IGSF21: variants seen among roughly 807,000 people sequenced by gnomAD.
IGSF21 encodes the protein immunoglobulin superfamily member 21.
Under a neutral mutation model 46.8 loss-of-function variants are expected in IGSF21, and 28 were observed. The ratio of observed to expected loss-of-function variants is 0.60; its 90% CI spans 0.44 to 0.82. The LOEUF (loss-of-function observed/expected upper bound fraction) is 0.82. IGSF21 is among the 40% of genes least tolerant of loss of function. The pLI is 0.00. For synonymous variants in IGSF21, 284 were observed against 273.6 expected (o/e 1.04, Z -0.38); for missense variants, 624 against 665.5 (o/e 0.94, Z 0.69).
chr1:18,345,143 C>A (rs2085880175), intron 4 of IGSF21, among the ~76,000 whole-genome samples: 1 of 152,206 alleles, frequency 6.6e-6, no homozygotes, highest in Non-Finnish European at 1.5e-5. Context: ...TCTGCCTGCA[C>A]TCCTTCTTAC....
At chr1:18,264,677 C>T (rs1218253278) in intron 2 of IGSF21, among the ~76,000 whole-genome samples, 5 of 152,292 alleles carry the variant, frequency 3.3e-5, no homozygotes, top group Non-Finnish European at 7.4e-5. Flanking sequence ...GCCCCCAGAC[C>T]GGTTGGTGCA....
At chr1:18,271,833 C>A (rs1275480671) in intron 2 of IGSF21, among the ~76,000 whole-genome samples, 1 of 152,138 alleles carries the variant, frequency 6.6e-6, no homozygotes, top group Non-Finnish European at 1.5e-5. Flanking sequence ...GCCCCAAGAC[C>A]ATGGGTGAGT....
intron 1 of IGSF21, among the ~76,000 whole-genome samples, chr1:18,151,552 A>T (rs1222838209): frequency 1.3e-5 from 2 of 152,214 alleles, no homozygotes; most frequent in African/African-American, 4.8e-5. Flanking sequence ...CACATGGCCA[A>T]ATCCAACACT....
At chr1:18,283,944 C>T (rs1429513377) in intron 2 of IGSF21, among the ~76,000 whole-genome samples, 3 of 152,148 alleles carry the variant, frequency 2.0e-5, no homozygotes, top group African/African-American at 7.2e-5. Context: ...TACCAGACTC[C>T]GTTCTATAAT....
chr1:18,109,407 C>T lies in IGSF21; in HGVS notation c.70+1209C>T, dbSNP rs1482036320. 1 of 152,100 alleles carries T rather than the reference C, an allele frequency of 6.6e-6. No homozygotes were observed. Among genetic ancestry groups the T allele is most frequent in the Non-Finnish European group, 1.5e-5 (1 of 68,032 alleles). The allele number at this position is 152,100 out of a possible 1,614,324, so 9.4% of individuals were successfully genotyped here. ...TCTTTATGATCAATAAGGTCTCGAC[C>T]CCGAGCCCCACTGGATGATAGAGGT... On this transcript the variant is annotated intron_variant, in intron 1 of 9. Coordinates refer to ENST00000251296, the MANE Select transcript of IGSF21 (RefSeq NM_032880.5). This position sits in a 1 kb window ranked among gnomAD's most constrained non-coding sequence, Gnocchi z 4.8.
intron 3 of IGSF21, among the ~76,000 whole-genome samples, chr1:18,311,189 C>T (rs2085485090): frequency 6.6e-6 from 1 of 152,184 alleles, no homozygotes; most frequent in Admixed American, 6.5e-5. Context: ...AGGTGCCCCA[C>T]ATCCTGTGTG....
At chr1:18,339,417 G>C (rs944085438) in intron 4 of IGSF21, among the ~76,000 whole-genome samples, 3 of 152,138 alleles carry the variant, frequency 2.0e-5, no homozygotes, top group Non-Finnish European at 4.4e-5. Flanking sequence ...CCTTGAGACC[G>C]AGCCCTAACT....
At chr1:18,308,301 C>T (rs2085448060) in intron 3 of IGSF21, among the ~76,000 whole-genome samples, 1 of 152,190 alleles carries the variant, frequency 6.6e-6, no homozygotes, top group South Asian at 2.1e-4. Flanking sequence ...AAGTGCAGCC[C>T]ATGCCCTATC....
intron 3 of IGSF21, among the ~76,000 whole-genome samples, chr1:18,328,514 G>C (rs1000815875): frequency 6.6e-6 from 1 of 152,170 alleles, no homozygotes; most frequent in African/African-American, 2.4e-5. Context: ...GTATTGTTTT[G>C]TCTGTCTTGT....
intron 1 of IGSF21, among the ~76,000 whole-genome samples, chr1:18,209,603 C>T (rs974845507): frequency 3.3e-5 from 5 of 151,014 alleles, no homozygotes; most frequent in South Asian, 4.2e-4. Flanking sequence ...TACAGGCGCC[C>T]GCCACCACAC....
intron 2 of IGSF21, among the ~76,000 whole-genome samples, chr1:18,286,997 C>A (rs375104622): frequency 1.3e-5 from 2 of 151,502 alleles, no homozygotes; most frequent in East Asian, 3.9e-4. Context: ...CCGGCTAAAA[C>A]GGTGAAACCC....
intron 2 of IGSF21, among the ~76,000 whole-genome samples, chr1:18,248,255 A>T (rs1015018212): frequency 7.9e-5 from 12 of 152,186 alleles, no homozygotes; most frequent in African/African-American, 2.9e-4. Flanking sequence ...AGCCTGGCTG[A>T]TGCTGGCTAA....
chr1:18,167,493 A>T (rs2086690840), intron 1 of IGSF21, among the ~76,000 whole-genome samples: 1 of 152,116 alleles, frequency 6.6e-6, no homozygotes, highest in African/African-American at 2.4e-5. Context: ...TGGTTAGAAA[A>T]GGGTCTTGGG....
intron 1 of IGSF21, among the ~76,000 whole-genome samples, chr1:18,186,641 A>C (rs2086905378): frequency 6.6e-6 from 1 of 152,194 alleles, no homozygotes; most frequent in Non-Finnish European, 1.5e-5. Context: ...AAAAACACTC[A>C]TCTGATCGTC....
intron 1 of IGSF21, 54 bp downstream of exon 1, chr1:18,108,252 G>T: frequency 7.6e-7 from 1 of 1,314,002 alleles, no homozygotes; most frequent in Non-Finnish European, 9.7e-7. Flanking sequence ...GCGGGGACGG[G>T]GTGCCGGGGG....
intron 1 of IGSF21, among the ~76,000 whole-genome samples, chr1:18,203,011 T>C (rs1479205820): frequency 6.6e-6 from 1 of 152,092 alleles, no homozygotes; most frequent in Non-Finnish European, 1.5e-5. Context: ...TCTAAGGAAG[T>C]TGGGAGTGGC....
intron 2 of IGSF21, among the ~76,000 whole-genome samples, chr1:18,279,486 C>T (rs2085137379): frequency 6.6e-6 from 1 of 152,156 alleles, no homozygotes; most frequent in Non-Finnish European, 1.5e-5. Context: ...CTAGTGTTAA[C>T]GCCACCCCCA....
intron 1 of IGSF21, among the ~76,000 whole-genome samples, chr1:18,146,258 C>T (rs563321324): frequency 1.4e-4 from 22 of 152,276 alleles, no homozygotes; most frequent in South Asian, 6.2e-4. Context: ...GCCAGAACAC[C>T]GAGTCCAAAG....
chr1:18,135,920 C>T (rs1287978376), intron 1 of IGSF21, among the ~76,000 whole-genome samples: 1 of 152,160 alleles, frequency 6.6e-6, no homozygotes, highest in Non-Finnish European at 1.5e-5. Flanking sequence ...CTCTCCAGCA[C>T]CTGTTGTTTC....
Sources: gnomAD v4.1 joint callset for allele counts (sites outside exome capture counted in the v4.1 genomes callset) on GRCh38, gnomAD v4.1.1 for gene constraint, Gnocchi (gnomAD v3.1) non-coding constraint, MANE v1.5 for transcripts, NCBI Gene and HGNC (gene_info 2026-07-23, HGNC 2026-07-21) for gene names.